DPP10: variants seen among roughly 807,000 people sequenced by gnomAD.
DPP10 encodes the protein inactive dipeptidyl peptidase 10.
DPP10 carries 33 observed loss-of-function variants against 120.9 expected under a neutral mutation model. The ratio of observed to expected loss-of-function variants is 0.27; its 90% CI spans 0.21 to 0.37. The LOEUF is 0.37. DPP10 is among the 10% of genes least tolerant of loss of function. DPP10 has a pLI of 1.00. For missense variants in DPP10, 816 were observed against 942.8 expected (o/e 0.87, Z 1.76); for synonymous variants, 337 against 326.1 (o/e 1.03, Z -0.36).
chr2:115,546,310 T>G (rs113189663), intron 5 of DPP10, among the ~76,000 whole-genome samples: 1,668 of 152,266 alleles, frequency 0.011, 36 homozygotes, highest in African/African-American at 0.038. Context: ...AAATTACGTA[T>G]GTATACGTAA....
chr2:114,516,937 A>G (rs555298130), intron 1 of DPP10, among the ~76,000 whole-genome samples: 186 of 152,334 alleles, frequency 1.2e-3, no homozygotes, highest in Non-Finnish European at 2.2e-3. Context: ...TAATGGGGAA[A>G]AAACAACTTT....
intron 1 of DPP10, among the ~76,000 whole-genome samples, chr2:114,903,456 A>G (rs907113620): frequency 3.3e-5 from 5 of 152,192 alleles, no homozygotes; most frequent in African/African-American, 4.8e-5. Flanking sequence ...TGATGTTGTC[A>G]GTGTTTTGAA....
chr2:115,558,739 A>G (rs1334399796), intron 5 of DPP10, among the ~76,000 whole-genome samples: 2 of 152,162 alleles, frequency 1.3e-5, no homozygotes, highest in Non-Finnish European at 2.9e-5. Context: ...AAAATCATAT[A>G]TAGTCTATGA....
rs1415108923 is a variant in DPP10 at position 114,830,789 on chromosome 2, GT to G, written c.60+387952del. 3.7e-4 allele frequency among the ~76,000 whole-genome samples: 56 copies of G among 151,888 alleles called. 1 individual carries two copies. The highest frequency in any genetic ancestry group is 1.2e-3 in the African/African-American group (50 of 41,420). On this transcript the variant is annotated intron_variant, in intron 1 of 25. Coordinates refer to ENST00000410059, the MANE Select transcript of DPP10 (RefSeq NM_020868.6). ...AGAATAACTTTTACTGTATTAAATAGTAACTTACTCAACTTGTCAAACTGGA... is the reference window on the plus strand; with the variant it reads ...AGAATAACTTTTACTGTATTAAATAGAACTTACTCAACTTGTCAAACTGGA...
At chr2:114,954,359 A>T (rs1698045674) in intron 1 of DPP10, among the ~76,000 whole-genome samples, 1 of 152,172 alleles carries the variant, frequency 6.6e-6, no homozygotes, top group Admixed American at 6.5e-5. Flanking sequence ...CTGGGATTAC[A>T]GGCATGAGCC....
At chr2:115,067,492 T>TC (rs1439497676) in intron 1 of DPP10, among the ~76,000 whole-genome samples, 1 of 145,550 alleles carries the variant, frequency 6.9e-6, no homozygotes, top group African/African-American at 2.5e-5. Flanking sequence ...GACCTCGTGA[T>TC]CCCCCCGCCT....
intron 5 of DPP10, chr2:115,526,532 G>A (rs1469188937): frequency 6.6e-6 from 1 of 152,164 alleles, no homozygotes; most frequent in African/African-American, 2.4e-5. Flanking sequence ...TATTCCATGT[G>A]AGCCCTAAAG....
chr2:115,675,494 A>G (rs1470367672), intron 5 of DPP10, among the ~76,000 whole-genome samples: 1 of 152,178 alleles, frequency 6.6e-6, no homozygotes, highest in African/African-American at 2.4e-5. Flanking sequence ...TTCAGCAAGG[A>G]AGTGATGAAG....
At chr2:115,707,942 T>A (rs2092184019) in intron 7 of DPP10, among the ~76,000 whole-genome samples, 1 of 151,868 alleles carries the variant, frequency 6.6e-6, no homozygotes, top group South Asian at 2.1e-4. Flanking sequence ...CATATGAAAA[T>A]TAAAGCACAT....
intron 1 of DPP10, among the ~76,000 whole-genome samples, chr2:115,263,039 T>A (rs1298019241): frequency 6.6e-6 from 1 of 152,128 alleles, no homozygotes; most frequent in Non-Finnish European, 1.5e-5. Flanking sequence ...TCTTAGCAAT[T>A]CTTACCCTGA....
At chr2:114,584,035 GAACA>G (rs1690748077) in intron 1 of DPP10, among the ~76,000 whole-genome samples, 1 of 152,008 alleles carries the variant, frequency 6.6e-6, no homozygotes, top group Non-Finnish European at 1.5e-5. Context: ...TTTTAAAAAA[GAACA>G]AACAGAAAGC....
At chr2:115,322,217 T>C (rs2106109943) in intron 2 of DPP10, among the ~76,000 whole-genome samples, 1 of 152,326 alleles carries the variant, frequency 6.6e-6, no homozygotes, top group South Asian at 2.1e-4. Context: ...AGGCTGTAGC[T>C]ATTTGTGTTT....
chr2:114,950,008 G>GC (rs1425231801), intron 1 of DPP10, among the ~76,000 whole-genome samples: 2 of 151,982 alleles, frequency 1.3e-5, no homozygotes, highest in African/African-American at 2.4e-5. Context: ...TCAGAAATTT[G>GC]AAGTCTAATG....
chr2:115,586,673 G>GTTTGGTTTTTGT, intron 5 of DPP10, among the ~76,000 whole-genome samples: 1 of 151,868 alleles, frequency 6.6e-6, no homozygotes, highest in South Asian at 2.1e-4. Flanking sequence ...GATGCTTTTT[G>GTTTGGTTTTTGT]TTTTGTTTTT....
At chr2:115,602,744 A>G (rs909929601) in intron 5 of DPP10, among the ~76,000 whole-genome samples, 2 of 152,186 alleles carry the variant, frequency 1.3e-5, no homozygotes, top group African/African-American at 4.8e-5. Context: ...CCACGGGCCA[A>G]CATCTGTGGG....
intron 1 of DPP10, among the ~76,000 whole-genome samples, chr2:114,633,254 T>A (rs1168533418): frequency 7.7e-6 from 1 of 129,730 alleles, no homozygotes; most frequent in Non-Finnish European, 1.6e-5. Context: ...CTTTCTTTTT[T>A]TTTTTTTTTT....
At chr2:114,901,104 A>C (rs1229534913) in intron 1 of DPP10, among the ~76,000 whole-genome samples, 1 of 152,216 alleles carries the variant, frequency 6.6e-6, no homozygotes, top group African/African-American at 2.4e-5. Flanking sequence ...AGAATGGTGA[A>C]ATCAGTGATG....
chr2:115,143,857 T>C (rs993612112), intron 1 of DPP10, among the ~76,000 whole-genome samples: 1 of 152,242 alleles, frequency 6.6e-6, no homozygotes, highest in Admixed American at 6.5e-5. Flanking sequence ...CAATCTCAGA[T>C]GCAGCCTCTG....
intron 1 of DPP10, among the ~76,000 whole-genome samples, chr2:115,158,837 G>A (rs2052093590): frequency 6.6e-6 from 1 of 152,000 alleles, no homozygotes; most frequent in Admixed American, 6.5e-5. Context: ...GTATTCAGAA[G>A]TTATGCTTTG....
Sources: gnomAD v4.1 joint callset for allele counts (sites outside exome capture counted in the v4.1 genomes callset) on GRCh38, gnomAD v4.1.1 for gene constraint, MANE v1.5 for transcripts, NCBI Gene and HGNC (gene_info 2026-07-23, HGNC 2026-07-21) for gene names.